Variants in DNMT3B observed in about 807,000 individuals in gnomAD.
DNMT3B encodes DNA methyltransferase 3 beta, also known as DNA (cytosine-5)-methyltransferase 3B.
Under a neutral mutation model 120.2 loss-of-function variants are expected in DNMT3B, and 37 were observed. The observed-to-expected ratio is 0.31, with a 90% CI of 0.24 to 0.40. The LOEUF (loss-of-function observed/expected upper bound fraction) is 0.40, where lower values mean the gene tolerates loss of function less well. Ranked by LOEUF, DNMT3B falls within the 10% of genes least tolerant of loss-of-function variation. The pLI, the probability that DNMT3B is intolerant of heterozygous loss-of-function variation, is 1.00. For missense variants in DNMT3B, 878 were observed against 1,137.3 expected (o/e 0.77, Z 3.28); for synonymous variants, 412 against 442.8 (o/e 0.93, Z 0.87).
At chr20:32,764,586 T>G (rs1987186964) in intron 1 of DNMT3B, among the ~76,000 whole-genome samples, 1 of 152,188 alleles carries the variant, frequency 6.6e-6, no homozygotes, top group African/African-American at 2.4e-5. Context: ...CTTTGTTCCC[T>G]TTCGAACGGA....
intron 6 of DNMT3B, 80 bp from the exon 7 acceptor site, chr20:32,788,774 T>G: frequency 6.3e-7 from 1 of 1,582,576 alleles, no homozygotes; most frequent in Non-Finnish European, 8.7e-7. Flanking sequence ...TTTGTTGCCC[T>G]CAGGGACAGT....
chr20:32,769,406 C>T (rs1169131447), intron 1 of DNMT3B, among the ~76,000 whole-genome samples: 1 of 152,156 alleles, frequency 6.6e-6, no homozygotes, highest in Non-Finnish European at 1.5e-5. Context: ...AAATTTCTTT[C>T]CAAAACCTCT....
At chr20:32,769,482 G>A (rs1356339595) in intron 1 of DNMT3B, among the ~76,000 whole-genome samples, 1 of 152,170 alleles carries the variant, frequency 6.6e-6, no homozygotes, top group African/African-American at 2.4e-5. Context: ...AAGATGCTTT[G>A]GTGCTCTCTG....
chr20:32,784,669 G>A (rs574922397), intron 3 of DNMT3B, 89 bp from the exon 4 acceptor site: 45 of 1,414,640 alleles, frequency 3.2e-5, no homozygotes, highest in African/African-American at 2.3e-4. Context: ...AGGCACAGGC[G>A]ATCAGTCTTT....
At chr20:32,793,218 G>A (rs1369338595) in intron 9 of DNMT3B, among the ~76,000 whole-genome samples, 1 of 152,202 alleles carries the variant, frequency 6.6e-6, no homozygotes, top group Non-Finnish European at 1.5e-5. Flanking sequence ...TAAAGGCCAG[G>A]CCTAGTGGCT....
At chr20:32,792,435 C>T (rs967978626) in intron 8 of DNMT3B, among the ~76,000 whole-genome samples, 191 bp from the exon 9 acceptor site, 3 of 152,182 alleles carry the variant, frequency 2.0e-5, no homozygotes, top group Admixed American at 2.0e-4. Context: ...AACCACAACC[C>T]CCCTTCCGAG....
intron 12 of DNMT3B, among the ~76,000 whole-genome samples, chr20:32,796,249 C>T (rs1980604505): frequency 6.6e-6 from 1 of 152,158 alleles, no homozygotes; most frequent in Non-Finnish European, 1.5e-5. Context: ...CCCCAAGACT[C>T]ACTCCCCCAT....
chr20:32,794,967 G>T (rs1425993096), intron 10 of DNMT3B, among the ~76,000 whole-genome samples: 1 of 152,134 alleles, frequency 6.6e-6, no homozygotes, highest in Non-Finnish European at 1.5e-5. Context: ...CATATGTCTA[G>T]GCTAGTCTTA....
Position 32,786,524 on chromosome 20 carries a change from G to A in DNMT3B, c.329G>A (p.Ser110Asn), listed in dbSNP as rs1979302673. 4 of 1,613,952 alleles carry A rather than the reference G, an allele frequency of 2.5e-6. No homozygotes were observed. Among genetic ancestry groups the A allele is most frequent in the Admixed American group, 1.7e-5 (1 of 60,008 alleles). Residue 110 changes from serine to asparagine, a missense_variant, in exon 5 of 23, where the codon AGT (serine) becomes AAT (asparagine). Around this residue, in one of 4 missense-constraint regions of DNMT3B, gnomAD observed 287 missense variants for 306.2 expected, o/e 0.94. Transcript: ENST00000328111. ...SPAVRTRNNNSVSSRERHRPS... is the reference protein window; with the variant it reads ...SPAVRTRNNNNVSSRERHRPS... ...TAGGTCCGAACTCGAAATAACAACAGTGTCTCCAGCCGGGAGAGGCACAGG... is the reference window on the plus strand; with the variant it reads ...TAGGTCCGAACTCGAAATAACAACAATGTCTCCAGCCGGGAGAGGCACAGG...
At chr20:32,789,380 G>A (rs1979699635) in intron 7 of DNMT3B, among the ~76,000 whole-genome samples, 1 of 152,240 alleles carries the variant, frequency 6.6e-6, no homozygotes, top group African/African-American at 2.4e-5. Context: ...GCGGCCTCTT[G>A]TCATTTAGCC....
At chr20:32,767,067 T>A (rs1987418256) in intron 1 of DNMT3B, among the ~76,000 whole-genome samples, 1 of 151,920 alleles carries the variant, frequency 6.6e-6, no homozygotes, top group African/African-American at 2.4e-5. Flanking sequence ...ATTCTGTATT[T>A]TTTTAGTAGA....
At chr20:32,785,886 T>C (rs200291544) in intron 4 of DNMT3B, among the ~76,000 whole-genome samples, 4 of 96,978 alleles carry the variant, frequency 4.1e-5, no homozygotes, top group Admixed American at 2.0e-4. Flanking sequence ...TTCTTTCTTT[T>C]TTTTTCTTTT....
In DNMT3B at chr20:32,792,786, CA is replaced by C; in HGVS notation, c.1066+17del. The C allele has an allele frequency of 6.2e-7, 1 of 1,613,862 alleles. No homozygotes were observed. The highest frequency in any genetic ancestry group is 8.5e-7 in the Non-Finnish European group (1 of 1,179,958). Reference sequence around the variant, plus strand: ...ACGCAACCAGGTGGGAATGAGTCCCCATGGCAGCACCCGCTGCCTCTGCTGG... The same window carrying C: ...ACGCAACCAGGTGGGAATGAGTCCCCTGGCAGCACCCGCTGCCTCTGCTGG... On this transcript the variant is annotated intron_variant, in intron 9 of 22. Coordinates refer to ENST00000328111, the MANE Select transcript of DNMT3B (RefSeq NM_006892.4).
At chr20:32,778,827 C>T (rs1420430631) in intron 1 of DNMT3B, among the ~76,000 whole-genome samples, 1 of 152,214 alleles carries the variant, frequency 6.6e-6, no homozygotes, top group Non-Finnish European at 1.5e-5. Context: ...GTGGCACACA[C>T]CTGTGGGCCC....
chr20:32,794,824 AT>A (rs1345424743), intron 10 of DNMT3B, among the ~76,000 whole-genome samples: 2 of 152,192 alleles, frequency 1.3e-5, no homozygotes, highest in African/African-American at 4.8e-5. Context: ...ACAGATCTCA[AT>A]TTTGATGCTA....
chr20:32,801,200 C>A, intron 18 of DNMT3B, 78 bp from the exon 19 acceptor site: 2 of 1,607,306 alleles, frequency 1.2e-6, no homozygotes, highest in Admixed American at 3.4e-5. Flanking sequence ...CATTGGGAAC[C>A]TGCTGGTCTC....
intron 12 of DNMT3B, among the ~76,000 whole-genome samples, chr20:32,796,256 C>A (rs763941873): frequency 6.6e-6 from 1 of 152,172 alleles, no homozygotes; most frequent in Admixed American, 6.5e-5. Context: ...ACTCACTCCC[C>A]CATCTGGCTA....
chr20:32,805,553 C>G, intron 21 of DNMT3B, 146 bp downstream of exon 21: 2 of 858,704 alleles, frequency 2.3e-6, no homozygotes, highest in Non-Finnish European at 3.8e-6. Context: ...CATGATTGTT[C>G]TGTCCCATCC....
chr20:32,804,986 A>T (rs1411157754), intron 20 of DNMT3B, among the ~76,000 whole-genome samples: 1 of 152,188 alleles, frequency 6.6e-6, no homozygotes, highest in Non-Finnish European at 1.5e-5. Context: ...TAAAATAGAC[A>T]GGAAGCCCAA....
Sources: allele counts gnomAD v4.1 joint callset (sites outside exome capture counted in the v4.1 genomes callset), GRCh38; gene constraint gnomAD v4.1.1; regional missense constraint gnomAD v4.1.1; transcripts MANE v1.5; gene names NCBI Gene and HGNC (gene_info 2026-07-23, HGNC 2026-07-21).